DAGLA: variants seen among roughly 807,000 people sequenced by gnomAD.
DAGLA encodes the protein diacylglycerol lipase-alpha.
In DAGLA, 22 loss-of-function variants were observed where a neutral mutation model predicts 102.6. The ratio of observed to expected loss-of-function variants is 0.21; its 90% confidence interval spans 0.15 to 0.31. The LOEUF (loss-of-function observed/expected upper bound fraction) is 0.31, where lower values mean the gene tolerates loss of function less well. DAGLA is among the 10% of genes least tolerant of loss of function. The probability of loss-of-function intolerance (pLI) is 1.00; values close to 1 mark genes in which losing one functional copy is unlikely to be tolerated. For synonymous variants in DAGLA, 578 were observed against 628.9 expected, an observed-to-expected ratio of 0.92 and a Z score of 1.21; for missense variants, 927 against 1,446.6, an observed-to-expected ratio of 0.64 and a Z score of 5.83.
At chr11:61,687,489 G>A (rs1439576554) in intron 1 of DAGLA, among the ~76,000 whole-genome samples, 1 of 152,130 alleles carries the variant, frequency 6.6e-6, no homozygotes, top group Non-Finnish European at 1.5e-5. Context: ...GTGCCACCAC[G>A]TCCGGCTGAT....
chr11:61,687,356 G>A (rs980714036), intron 1 of DAGLA, among the ~76,000 whole-genome samples: 3 of 151,030 alleles, frequency 2.0e-5, no homozygotes, highest in Admixed American at 6.6e-5. Flanking sequence ...TTTTTGAGAC[G>A]GAGTCTCGCT....
chr11:61,742,337 T>C (rs1485104649), intron 19 of DAGLA, among the ~76,000 whole-genome samples: 1 of 152,174 alleles, frequency 6.6e-6, no homozygotes, highest in Admixed American at 6.5e-5. Flanking sequence ...AGGATTGTCC[T>C]GCCTTTCTAG....
intron 6 of DAGLA, 56 bp downstream of exon 6, chr11:61,726,138 G>T: frequency 1.9e-6 from 3 of 1,541,532 alleles, no homozygotes; most frequent in Non-Finnish European, 2.7e-6. Flanking sequence ...AGGTGATTAA[G>T]GGGCTGTTGG....
chr11:61,716,828 T>C (rs914741331), intron 1 of DAGLA, among the ~76,000 whole-genome samples: 3 of 152,172 alleles, frequency 2.0e-5, no homozygotes, highest in African/African-American at 7.2e-5. Flanking sequence ...GGGGCCTGAA[T>C]CACCAGCAGG....
At chr11:61,731,234 C>T in intron 8 of DAGLA, 83 bp from the exon 9 acceptor site, 3 of 1,561,438 alleles carry the variant, frequency 1.9e-6, no homozygotes, top group Non-Finnish European at 2.6e-6. Flanking sequence ...GGTCCGCAGG[C>T]TCCCACCCTG....
At position 61,735,002 on chromosome 11, in the gene DAGLA, G is replaced by C; in HGVS notation, c.1128G>C (p.Ala376=). The part of the protein sequence containing the change: ...VDIVYTSCHD[A]VYETPFYVAV... ...TCGTCTATACCTCCTGCCATGATGC[G>C]GTGAGGCCGGGCAGGGCTGGGGCCT... is the stretch of plus-strand genomic sequence containing the variant. Residue 376 remains alanine (A), a splice_region_variant and synonymous_variant, in exon 10 of 20, where the codon GCG becomes GCC. Coordinates refer to ENST00000257215, the MANE Select transcript of DAGLA (RefSeq NM_006133.3). 6.2e-7 allele frequency: 1 copy of C among 1,612,800 alleles called. No homozygotes were observed. Among genetic ancestry groups the C allele is most frequent in the Non-Finnish European group, 8.5e-7 (1 of 1,179,144 alleles).
rs530202404 is a variant in DAGLA at position 61,684,124 on chromosome 11, T to C, written c.-45+3620T>C. Among the ~76,000 whole-genome samples the C allele has an allele frequency of 1.1e-3, 166 of 152,308 alleles. No homozygotes were observed. The highest frequency in any genetic ancestry group is 2.2e-3 in the Admixed American group (34 of 15,302). ...GAAGGCTGCAGCTGAAGGCACAGCT[T>C]GTCACTGGAAGCCACTCCTCCCCCA... On this transcript the variant is annotated intron_variant, in intron 1 of 19. Transcript: ENST00000257215. This position sits in a 1 kb window ranked among gnomAD's most constrained non-coding sequence, Gnocchi z 4.5.
chr11:61,686,132 G>A lies in DAGLA; in HGVS notation c.-45+5628G>A, dbSNP rs61898525. Among the ~76,000 whole-genome samples the A allele has an allele frequency of 0.24, 35,947 of 151,944 alleles. 4,692 individuals carry two copies. Among genetic ancestry groups the A allele is most frequent in the East Asian group, 0.48 (2,455 of 5,144 alleles). On this transcript the variant is annotated intron_variant, in intron 1 of 19. Transcript: ENST00000257215. This position sits in a 1 kb window ranked among gnomAD's most constrained non-coding sequence, Gnocchi z 5.2. The stretch of plus-strand genomic sequence containing the variant: ...CTTGAACCAGGGCAGTGGCCACTCT[G>A]CAGGGGAAAGGGGAGAGACAAAGCC...
Position 61,682,756 on chromosome 11 carries a change from G to A in DAGLA, c.-45+2252G>A, listed in dbSNP as rs568690925. 1.3e-4 allele frequency among the ~76,000 whole-genome samples: 19 copies of A among 151,410 alleles called. No individual in the cohort carries two copies. In the East Asian group the frequency reaches 3.8e-3, roughly 30 times the overall value. On this transcript the variant is annotated intron_variant, in intron 1 of 19. Coordinates refer to ENST00000257215, the MANE Select transcript of DAGLA (RefSeq NM_006133.3). ...TCACATCAGCGTCTTTTGGGCTGTG[G>A]CCTGAAGGAAATGAAGTGGGTCAGA...
intron 4 of DAGLA, 95 bp from the exon 5 acceptor site, chr11:61,723,339 G>T: frequency 1.3e-6 from 2 of 1,516,352 alleles, no homozygotes; most frequent in Non-Finnish European, 1.8e-6. Flanking sequence ...AAGCATTTGG[G>T]GTTAGGGAGG....
intron 8 of DAGLA, 27 bp downstream of exon 8, chr11:61,729,035 A>G (rs781303906): frequency 1.3e-6 from 2 of 1,594,994 alleles, no homozygotes; most frequent in Non-Finnish European, 1.7e-6. Flanking sequence ...CTCTCACCCC[A>G]CCCCGTCCCC....
chr11:61,696,594 G>GGGGGC (rs1478086163), intron 1 of DAGLA, among the ~76,000 whole-genome samples: 2 of 144,654 alleles, frequency 1.4e-5, no homozygotes, highest in Non-Finnish European at 3.1e-5. Flanking sequence ...ACCCGGGGTT[G>GGGGGC]GGGGTGGGGT....
At chr11:61,733,448 A>G (rs894223957) in intron 9 of DAGLA, among the ~76,000 whole-genome samples, 1 of 152,236 alleles carries the variant, frequency 6.6e-6, no homozygotes, top group Non-Finnish European at 1.5e-5. Flanking sequence ...AAAGTGTGTA[A>G]TAGTCACTCA....
At chr11:61,711,491 C>T (rs1302853061) in intron 1 of DAGLA, among the ~76,000 whole-genome samples, 1 of 152,208 alleles carries the variant, frequency 6.6e-6, no homozygotes, top group African/African-American at 2.4e-5. Context: ...GTGAATCCCC[C>T]TGGGAAGAGA....
At chr11:61,721,710 G>GC (rs993912430) in intron 3 of DAGLA, among the ~76,000 whole-genome samples, 12 of 152,228 alleles carry the variant, frequency 7.9e-5, no homozygotes, top group African/African-American at 2.9e-4. Flanking sequence ...TTAGGTTGCA[G>GC]CCCCTTCTGG....
At chr11:61,705,697 T>C (rs2065143520) in intron 1 of DAGLA, among the ~76,000 whole-genome samples, 1 of 152,214 alleles carries the variant, frequency 6.6e-6, no homozygotes, top group South Asian at 2.1e-4. Context: ...TTTGTCACCA[T>C]CCACCCAATC....
Position 61,734,981 on chromosome 11 carries a change from C to G in DAGLA, c.1107C>G (p.Val369=). Reference sequence around the variant, plus strand: ...AGAACATGACTGCGGTGGACATCGTCTATACCTCCTGCCATGATGCGGTGA... The same window carrying G: ...AGAACATGACTGCGGTGGACATCGTGTATACCTCCTGCCATGATGCGGTGA... The part of the protein sequence containing the change: ...LDENMTAVDI[V]YTSCHDAVYE... The change falls in exon 10 of 20, where the codon GTC becomes GTG. Residue 369 remains valine, a synonymous_variant. Transcript: ENST00000257215. The surrounding 1 kb of genome is among the most constrained non-coding windows in gnomAD (Gnocchi z 4.2). 1 of 1,613,818 alleles carries G rather than the reference C, an allele frequency of 6.2e-7. No individual in the cohort carries two copies. Among genetic ancestry groups the G allele is most frequent in the South Asian group, 1.1e-5 (1 of 91,084 alleles).
intron 9 of DAGLA, 48 bp downstream of exon 9, chr11:61,731,489 G>T (rs755186456): frequency 1.9e-6 from 3 of 1,605,736 alleles, no homozygotes; most frequent in Non-Finnish European, 2.5e-6. Flanking sequence ...CTCCTCCCGG[G>T]TGGTGTGTGA....
chr11:61,708,912 C>G (rs1257447465), intron 1 of DAGLA, among the ~76,000 whole-genome samples: 1 of 152,216 alleles, frequency 6.6e-6, no homozygotes, highest in African/African-American at 2.4e-5. Flanking sequence ...TCCTGGAGGC[C>G]TTGTGCTTGG....
Sources: allele counts gnomAD v4.1 joint callset (sites outside exome capture counted in the v4.1 genomes callset), GRCh38; gene constraint gnomAD v4.1.1; non-coding constraint Gnocchi (gnomAD v3.1); transcripts MANE v1.5; gene names NCBI Gene and HGNC (gene_info 2026-07-23, HGNC 2026-07-21).